SPTBN1: variants seen among roughly 807,000 people sequenced by gnomAD.
SPTBN1 encodes spectrin beta chain, non-erythrocytic 1.
A neutral mutation model predicts 266.4 loss-of-function variants in SPTBN1; 32 were observed. The observed-to-expected ratio is 0.12, with a 90% CI of 0.09 to 0.16. SPTBN1 has a LOEUF of 0.16. Among genes scored for constraint, SPTBN1 ranks in the 10% least tolerant of loss-of-function variants. The probability of loss-of-function intolerance (pLI) is 1.00; values close to 1 mark genes in which losing one functional copy is unlikely to be tolerated. For missense variants in SPTBN1, 2,296 were observed against 3,067.1 expected (o/e 0.75, Z 5.94); for synonymous variants, 1,336 against 1,162.2 (o/e 1.15, Z -3.04).
rs1366877454 is a variant in SPTBN1, at chr2:54,569,643, C to T, written c.149-29449C>T. On this transcript the variant is annotated intron_variant, in intron 2 of 35. Transcript: ENST00000356805. ...TACCAAATATTGGCAATTCACTTTC[C>T]AAATCAGACAATTACTTACCAGTCT... 2.0e-5 allele frequency among the ~76,000 whole-genome samples: 3 copies of T among 152,064 alleles called. No individual in the cohort carries two copies. In the East Asian group the frequency reaches 5.8e-4, roughly 29 times the overall value.
chr2:54,533,900 TCACACACACA>T lies in SPTBN1; in HGVS notation c.148+7352_148+7361del, dbSNP rs70944176. On this transcript the variant is annotated intron_variant, in intron 2 of 35. Coordinates refer to ENST00000356805, the MANE Select transcript of SPTBN1 (RefSeq NM_003128.3). The surrounding 1 kb of genome is among the most constrained non-coding windows in gnomAD (Gnocchi z 4.2). ...ATTGATCTCTCTCTCTGTCTCTCTC[TCACACACACA>T]CACACACACACACACACGCACGCAC... is the stretch of plus-strand genomic sequence containing the variant. 0.077 allele frequency among the ~76,000 whole-genome samples: 11,591 copies of T among 150,290 alleles called. 524 individuals are homozygous for T. Among genetic ancestry groups the T allele is most frequent in the Middle Eastern group, 0.13 (39 of 292 alleles).
chr2:54,641,295 GCT>G (rs146633488), intron 18 of SPTBN1, among the ~76,000 whole-genome samples: 11 of 151,208 alleles, frequency 7.3e-5, no homozygotes, highest in Non-Finnish European at 1.3e-4. Context: ...TATGTAGCGC[GCT>G]CTCTCTCTCT....
chr2:54,609,999 C>T (rs1677104143), intron 3 of SPTBN1, among the ~76,000 whole-genome samples: 1 of 151,652 alleles, frequency 6.6e-6, no homozygotes, highest in East Asian at 1.9e-4. Context: ...CTGGTGCTCA[C>T]CTCTCTTTCT....
At chr2:54,502,226 C>T (rs942425816) in intron 1 of SPTBN1, among the ~76,000 whole-genome samples, 1 of 152,060 alleles carries the variant, frequency 6.6e-6, no homozygotes, top group African/African-American at 2.4e-5. Flanking sequence ...GCCCCAAAGG[C>T]CTCACCCTTG....
chr2:54,519,770 C>T (rs1036519340), intron 1 of SPTBN1, among the ~76,000 whole-genome samples: 5 of 152,070 alleles, frequency 3.3e-5, no homozygotes, highest in African/African-American at 1.2e-4. Context: ...TTAGGGATTA[C>T]AATGAGAGAT....
chr2:54,635,799 T>A (rs2103974719), intron 17 of SPTBN1, among the ~76,000 whole-genome samples: 1 of 152,306 alleles, frequency 6.6e-6, no homozygotes, highest in South Asian at 2.1e-4. Flanking sequence ...TCATATTATC[T>A]CCTTTCTAAA....
In SPTBN1 at chr2:54,462,094, T is replaced by A. The variant is rs551102168; in HGVS notation, c.-48+5576T>A. Among the ~76,000 whole-genome samples, 6 of 152,344 alleles carry A rather than the reference T, an allele frequency of 3.9e-5. No individual in the cohort carries two copies. In the East Asian group the frequency reaches 1.2e-3, roughly 29 times the overall value. On this transcript the variant is annotated intron_variant, in intron 1 of 35. Transcript: ENST00000356805. The stretch of plus-strand genomic sequence containing the variant: ...TACTGGCCTTGAGCTAGTTAGTTAC[T>A]CAAGACCACAGTTTCCTCATTGGAA...
intron 32 of SPTBN1, chr2:54,661,266 G>C (rs1681025047): frequency 1.0e-5 from 10 of 985,762 alleles, no homozygotes; most frequent in Non-Finnish European, 1.2e-5. Context: ...GACAGAGATG[G>C]TTTCCTTGTA....
chr2:54,628,235 G>A lies in SPTBN1; in HGVS notation c.1783G>A (p.Ala595Thr), dbSNP rs760741921. 4.0e-5 allele frequency: 65 copies of A among 1,612,674 alleles called. No individual in the cohort carries two copies. Among genetic ancestry groups the A allele is most frequent in the South Asian group, 9.9e-5 (9 of 90,874 alleles). ...TGTCAATGCCTCCGCCCAGAAGTTC[G>A]CAACAGACGGGGAAGGTAAGGATGG... ...RGVNASAQKF[A>T]TDGEGYKPCD... The change falls in exon 13 of 36, where the codon GCA becomes ACA. Residue 595 changes from alanine to threonine, a missense_variant. Ala to Thr is a moderately conservative substitution (Grantham distance 58). Around this residue, in one of 12 missense-constraint regions of SPTBN1, gnomAD observed 434 missense variants for 573.9 expected, o/e 0.76. Coordinates refer to ENST00000356805, the MANE Select transcript of SPTBN1 (RefSeq NM_003128.3). This position sits in a 1 kb window ranked among gnomAD's most constrained non-coding sequence, Gnocchi z 4.3.
At chr2:54,641,185 A>G (rs1679525123) in intron 18 of SPTBN1, among the ~76,000 whole-genome samples, 1 of 152,252 alleles carries the variant, frequency 6.6e-6, no homozygotes, top group Non-Finnish European at 1.5e-5. Flanking sequence ...TGAACTAGCA[A>G]GTTCCATAGA....
chr2:54,558,755 C>T lies in SPTBN1; in HGVS notation c.148+32189C>T. 2 of 1,608,326 alleles carry T rather than the reference C, an allele frequency of 1.2e-6. No individual in the cohort carries two copies. Among genetic ancestry groups the T allele is most frequent in the Non-Finnish European group, 1.7e-6 (2 of 1,176,494 alleles). On this transcript the variant is annotated intron_variant, in intron 2 of 35. Transcript: ENST00000356805. This position sits in a 1 kb window ranked among gnomAD's most constrained non-coding sequence, Gnocchi z 4.6. ...GGAGCGAGATTTCCAGGGCGCAGTC[C>T]TCCGGGGCGTTACGCCGGGCATAAT...
chr2:54,626,351 T>A lies in SPTBN1; in HGVS notation c.1644+117T>A. ...TGTGCCTTGTCTAACTGCCCACATG[T>A]ACAGCTAGAGAGGAGCCACATCACC... On this transcript the variant is annotated intron_variant, in intron 12 of 35. Transcript: ENST00000356805. This position sits in a 1 kb window ranked among gnomAD's most constrained non-coding sequence, Gnocchi z 4.7. The A allele has an allele frequency of 7.9e-7, 1 of 1,271,740 alleles. No individual in the cohort carries two copies. The highest frequency in any genetic ancestry group is 1.1e-6 in the Non-Finnish European group (1 of 932,508). The allele number at this position is 1,271,740 out of a possible 1,614,324, so 78.8% of individuals were successfully genotyped here.
intron 3 of SPTBN1, among the ~76,000 whole-genome samples, 186 bp from the exon 4 acceptor site, chr2:54,611,975 T>C (rs1256818693): frequency 2.0e-5 from 3 of 152,216 alleles, no homozygotes. Flanking sequence ...TCCCCTTAAG[T>C]AAACTTTTTT....
rs759886684 is a variant in SPTBN1 at position 54,645,390 on chromosome 2, G to A, written c.4431G>A (p.Arg1477=). The A allele has an allele frequency of 1.9e-6, 3 of 1,614,178 alleles. No individual in the cohort carries two copies. In the Admixed American group the frequency reaches 5.0e-5, roughly 27 times the overall value. ...FMELLEPLNE[R]KHNLLASKEI... Reference sequence around the variant, plus strand: ...AGTTGCTGGAGCCCTTGAACGAGAGGAAGCATAACCTGCTGGCCTCCAAAG... The same window carrying A: ...AGTTGCTGGAGCCCTTGAACGAGAGAAAGCATAACCTGCTGGCCTCCAAAG... The change falls in exon 21 of 36, where the codon AGG becomes AGA. Residue 1477 remains arginine (R), a synonymous_variant. Transcript: ENST00000356805. This position sits in a 1 kb window ranked among gnomAD's most constrained non-coding sequence, Gnocchi z 4.3.
chr2:54,642,181 G>T (rs139835375), intron 18 of SPTBN1, among the ~76,000 whole-genome samples: 30 of 152,358 alleles, frequency 2.0e-4, no homozygotes, highest in African/African-American at 7.0e-4. Context: ...GCCGATTCGG[G>T]ATGGAAGCCA....
chr2:54,630,965 A>G lies in SPTBN1; in HGVS notation c.2918A>G (p.Glu973Gly). 6.2e-7 allele frequency: 1 copy of G among 1,614,164 alleles called. No homozygotes were observed. The highest frequency in any genetic ancestry group is 8.5e-7 in the Non-Finnish European group (1 of 1,180,036). Residue 973 changes from glutamate (E) to glycine (G), a missense_variant, in exon 16 of 36, where the codon GAA becomes GGA. Glu to Gly is a moderately conservative substitution (Grantham distance 98). Around this residue, in one of 12 missense-constraint regions of SPTBN1, gnomAD observed 128 missense variants for 176.5 expected, o/e 0.73. Coordinates refer to ENST00000356805, the MANE Select transcript of SPTBN1 (RefSeq NM_003128.3). ...AATGAAACCAAATCCTGGATTCGGG[A>G]AAAGACCAAGGTCATCGAGTCCACC... The part of the protein sequence containing the change: ...ECNETKSWIR[E>G]KTKVIESTQD...
At chr2:54,548,663 CAG>C (rs1431062985) in intron 2 of SPTBN1, among the ~76,000 whole-genome samples, 1 of 152,218 alleles carries the variant, frequency 6.6e-6, no homozygotes, top group Non-Finnish European at 1.5e-5. Context: ...TTCTAATCTC[CAG>C]CATGCCGGTA....
chr2:54,457,822 C>G (rs957916563), intron 1 of SPTBN1, among the ~76,000 whole-genome samples: 2 of 152,212 alleles, frequency 1.3e-5, no homozygotes, highest in Non-Finnish European at 2.9e-5. Context: ...AGGGGAGAGT[C>G]TTTTCTTTTG....
At chr2:54,655,632 C>G (rs778474351) in intron 28 of SPTBN1, among the ~76,000 whole-genome samples, 1 of 152,204 alleles carries the variant, frequency 6.6e-6, no homozygotes, top group Non-Finnish European at 1.5e-5. Context: ...GGGCTTTGTC[C>G]GTCTTGCTGT....
Sources: allele counts gnomAD v4.1 joint callset (sites outside exome capture counted in the v4.1 genomes callset), GRCh38; gene constraint gnomAD v4.1.1; regional missense constraint gnomAD v4.1.1; non-coding constraint Gnocchi (gnomAD v3.1); transcripts MANE v1.5; gene names NCBI Gene and HGNC (gene_info 2026-07-23, HGNC 2026-07-21).